CFL2: variants seen among roughly 807,000 people sequenced by gnomAD.
CFL2 encodes cofilin 2.
CFL2 carries 10 observed loss-of-function variants against 19.6 expected under a neutral mutation model. The observed-to-expected ratio is 0.51, with a 90% CI of 0.31 to 0.86. CFL2 has a LOEUF of 0.86. Among genes scored for constraint, CFL2 ranks in the 40% least tolerant of loss-of-function variants. The probability of loss-of-function intolerance (pLI) is 0.04; values close to 1 mark genes in which losing one functional copy is unlikely to be tolerated. For synonymous variants in CFL2, 63 were observed against 66.7 expected (o/e 0.95, Z 0.27); for missense variants, 125 against 192.1 (o/e 0.65, Z 2.06).
At position 34,711,225 on chromosome 14, in the gene CFL2, T is replaced by C. The variant is rs184065247; in HGVS notation, c.*1640A>G. On this transcript the variant is annotated 3_prime_UTR_variant, in exon 4 of 4. Transcript: ENST00000298159. ...CTTTCCTGTTTTCTGCTAAAAGCAT[T>C]CCTCTGAGCTATGGGGTTAAGTTCT... is the stretch of plus-strand genomic sequence containing the variant. The C allele has an allele frequency of 2.2e-6, 1 of 454,544 alleles. No homozygotes were observed. Among genetic ancestry groups the C allele is most frequent in the African/African-American group, 2.0e-5 (1 of 50,140 alleles). The allele number at this position is 454,544 out of a possible 1,614,324, so 28.2% of individuals were successfully genotyped here.
In CFL2 at chr14:34,712,360, T is replaced by A; in HGVS notation, c.*505A>T. The A allele has an allele frequency of 2.2e-6, 1 of 454,648 alleles. No homozygotes were observed. The highest frequency in any genetic ancestry group is 4.4e-6 in the Non-Finnish European group (1 of 226,842). 28.2% of individuals were successfully genotyped at this position (454,648 alleles called of 1,614,324 possible). ...ATATTAAACTTATTACAAAAAGTGCTTTTAATGCATAGTGTTATATCCGTG... is the reference window on the plus strand; with the variant it reads ...ATATTAAACTTATTACAAAAAGTGCATTTAATGCATAGTGTTATATCCGTG... On this transcript the variant is annotated 3_prime_UTR_variant, in exon 4 of 4. Transcript: ENST00000298159.
At position 34,711,570 on chromosome 14, in the gene CFL2, G is replaced by A. The variant is rs1339792998; in HGVS notation, c.*1295C>T. 2.3e-6 allele frequency: 1 copy of A among 443,164 alleles called. No homozygotes were observed. The highest frequency in any genetic ancestry group is 4.5e-6 in the Non-Finnish European group (1 of 220,906). 27.5% of individuals were successfully genotyped at this position (443,164 alleles called of 1,614,324 possible). On this transcript the variant is annotated 3_prime_UTR_variant, in exon 4 of 4. Coordinates refer to ENST00000298159, the MANE Select transcript of CFL2 (RefSeq NM_138638.5). ...TCAGAAGTATCATTAAACTTTTAAA[G>A]GACATTTTACAAATTATTTTCATTA... is the stretch of plus-strand genomic sequence containing the variant.
chr14:34,714,185 G>A, intron 1 of CFL2: 1 of 369,944 alleles, frequency 2.7e-6, no homozygotes, highest in Non-Finnish European at 4.9e-6. Context: ...CACAGCGTTC[G>A]CAGCACGTAC....
Position 34,712,916 on chromosome 14 carries a change from T to G in CFL2, c.450A>C (p.Gly150=). 1 of 1,611,700 alleles carries G rather than the reference T, an allele frequency of 6.2e-7. No individual in the cohort carries two copies. The highest frequency in any genetic ancestry group is 2.2e-5 in the East Asian group (1 of 44,856). ...CTACTACATTGCCTCCCAATTTCTC[T>G]CCAAGTGTCGAACGGTCCTTAATAT... ...LDDIKDRSTL[G]EKLGGNVVVS... The change falls in exon 4 of 4, where the codon GGA becomes GGC. Residue 150 remains glycine, a synonymous_variant. Transcript: ENST00000298159.
Position 34,713,292 on chromosome 14 carries a change from T to C in CFL2, c.273A>G (p.Thr91=). The C allele has an allele frequency of 3.7e-6, 6 of 1,613,394 alleles. No homozygotes were observed. Among genetic ancestry groups the C allele is most frequent in the Non-Finnish European group, 4.2e-6 (5 of 1,179,834 alleles). The change falls in exon 2 of 4, where the codon ACA becomes ACG. Residue 91 remains threonine (T), a synonymous_variant. Transcript: ENST00000298159. ...CTAGGTCTTCTTTCTTAGACTCTTT[T>C]GTTTCGTATGTGGCATCGTACAAAG... ...RYALYDATYE[T]KESKKEDLVF...
rs1199242385 is a variant in CFL2 at position 34,711,695 on chromosome 14, A to G, written c.*1170T>C. 4.5e-6 allele frequency: 2 copies of G among 446,762 alleles called. No individual in the cohort carries two copies. The highest frequency in any genetic ancestry group is 4.0e-5 in the African/African-American group (2 of 49,496). The allele number at this position is 446,762 out of a possible 1,614,324, so 27.7% of individuals were successfully genotyped here. A position where few individuals can be genotyped will look rare whatever the true frequency, so the allele number is the denominator to read the frequency against. On this transcript the variant is annotated 3_prime_UTR_variant, in exon 4 of 4. Transcript: ENST00000298159. Reference sequence around the variant, plus strand: ...AACTATGCTAATTTATCCAGAGAACAAATCAGATATTGAAAAGTATTTATG... The same window carrying G: ...AACTATGCTAATTTATCCAGAGAACGAATCAGATATTGAAAAGTATTTATG...
chr14:34,713,596 G>GT, intron 1 of CFL2, 35 bp from the exon 2 acceptor site: 1 of 1,613,188 alleles, frequency 6.2e-7, no homozygotes, highest in Non-Finnish European at 8.5e-7. Flanking sequence ...TTCAGAACAC[G>GT]TATTTTGGTT....
Position 34,711,538 on chromosome 14 carries a change from C to T in CFL2, c.*1327G>A, listed in dbSNP as rs1362109077. ...GAAATAGTAGGTGAAATGACTGTTCCGAAACATCAGAAGTATCATTAAACT... is the reference window on the plus strand; with the variant it reads ...GAAATAGTAGGTGAAATGACTGTTCTGAAACATCAGAAGTATCATTAAACT... On this transcript the variant is annotated 3_prime_UTR_variant, in exon 4 of 4. Transcript: ENST00000298159. 2 of 454,256 alleles carry T rather than the reference C, an allele frequency of 4.4e-6. No homozygotes were observed. The highest frequency in any genetic ancestry group is 2.0e-5 in the African/African-American group (1 of 49,934). The allele number at this position is 454,256 out of a possible 1,614,324, so 28.1% of individuals were successfully genotyped here. A position where few individuals can be genotyped will look rare whatever the true frequency, so the allele number is the denominator to read the frequency against.
Position 34,713,379 on chromosome 14 carries a change from A to G in CFL2, c.186T>C (p.Asp62=), listed in dbSNP as rs1594784833. ...AKQILVGDIG[D]TVEDPYTSFV... ...AAGATGTGTAGGGGTCCTCTACAGT[A>G]TCACCAATGTCACCCACCAAGATCT... Residue 62 remains aspartate (D), a synonymous_variant, in exon 2 of 4, where the codon GAT becomes GAC. Coordinates refer to ENST00000298159, the MANE Select transcript of CFL2 (RefSeq NM_138638.5). 6.2e-7 allele frequency: 1 copy of G among 1,614,028 alleles called. No homozygotes were observed. The highest frequency in any genetic ancestry group is 8.5e-7 in the Non-Finnish European group (1 of 1,179,916).
Position 34,709,933 on chromosome 14 carries a change from GAA to G in CFL2, c.*2930_*2931del, listed in dbSNP as rs1242393104. The G allele has an allele frequency of 6.6e-6, 1 of 152,188 alleles. No individual in the cohort carries two copies. The highest frequency in any genetic ancestry group is 1.5e-5 in the Non-Finnish European group (1 of 68,090). The allele number at this position is 152,188 out of a possible 1,614,324, so 9.4% of individuals were successfully genotyped here. A position where few individuals can be genotyped will look rare whatever the true frequency, so the allele number is the denominator to read the frequency against. On this transcript the variant is annotated 3_prime_UTR_variant, in exon 4 of 4. Transcript: ENST00000298159. Reference sequence around the variant, plus strand: ...ATGTGCAAGCAAAAACAGGACCTATGAAGAGCAAAATGAGACTGTTTTTTCTG... The same window carrying G: ...ATGTGCAAGCAAAAACAGGACCTATGGAGCAAAATGAGACTGTTTTTTCTG...
In CFL2 at chr14:34,714,109, A is replaced by C; in HGVS notation, c.3+429T>G. The C allele has an allele frequency of 5.4e-6, 2 of 371,836 alleles. 1 individual carries two copies. The highest frequency in any genetic ancestry group is 7.4e-5 in the South Asian group (2 of 26,868). The allele number at this position is 371,836 out of a possible 1,614,324, so 23.0% of individuals were successfully genotyped here. ...TTTACGGCGAGAAAGCATTTTAAAA[A>C]GTGTTTTCCCTCTTCCTTAATCTCC... On this transcript the variant is annotated intron_variant, in intron 1 of 3. Coordinates refer to ENST00000298159, the MANE Select transcript of CFL2 (RefSeq NM_138638.5).
At chr14:34,713,788 C>A (rs979470545) in intron 1 of CFL2, 28 of 1,606,570 alleles carry the variant, frequency 1.7e-5, no homozygotes, top group Non-Finnish European at 2.4e-5. Flanking sequence ...GACGTGGAAG[C>A]GAAAGGGACA....
At chr14:34,714,466 C>G in intron 1 of CFL2, 72 bp downstream of exon 1, 1 of 1,510,028 alleles carries the variant, frequency 6.6e-7, no homozygotes, top group South Asian at 1.2e-5. Context: ...AAAATGGCGG[C>G]CTCACTCCCG....
At position 34,710,912 on chromosome 14, in the gene CFL2, CAT is replaced by C. The variant is rs1885263825; in HGVS notation, c.*1951_*1952del. On this transcript the variant is annotated 3_prime_UTR_variant, in exon 4 of 4. Coordinates refer to ENST00000298159, the MANE Select transcript of CFL2 (RefSeq NM_138638.5). ...TCCATGGTGCCAAGTATCAGTTACACATATGGTTAAGTATACGTCAGTATTCT... is the reference window on the plus strand; with the variant it reads ...TCCATGGTGCCAAGTATCAGTTACACATGGTTAAGTATACGTCAGTATTCT... 2.2e-6 allele frequency: 1 copy of C among 453,960 alleles called. No homozygotes were observed. The highest frequency in any genetic ancestry group is 2.0e-5 in the African/African-American group (1 of 49,996). 28.1% of individuals were successfully genotyped at this position (453,960 alleles called of 1,614,324 possible). A position where few individuals can be genotyped will look rare whatever the true frequency, so the allele number is the denominator to read the frequency against.
rs1335237136 is a variant in CFL2 at position 34,712,135 on chromosome 14, A to G, written c.*730T>C. On this transcript the variant is annotated 3_prime_UTR_variant, in exon 4 of 4. Coordinates refer to ENST00000298159, the MANE Select transcript of CFL2 (RefSeq NM_138638.5). The stretch of plus-strand genomic sequence containing the variant: ...ATTGCCATCATGACTGATATTCAAA[A>G]TATCTTTAGTGTTGCAGGACTCACA... The G allele has an allele frequency of 2.2e-6, 1 of 454,544 alleles. No homozygotes were observed. Among genetic ancestry groups the G allele is most frequent in the South Asian group, 1.6e-5 (1 of 64,480 alleles). 28.2% of individuals were successfully genotyped at this position (454,544 alleles called of 1,614,324 possible). A position where few individuals can be genotyped will look rare whatever the true frequency, so the allele number is the denominator to read the frequency against.
Position 34,712,372 on chromosome 14 carries a change from G to C in CFL2, c.*493C>G, listed in dbSNP as rs1467628339. ...TTACAAAAAGTGCTTTTAATGCATA[G>C]TGTTATATCCGTGCTGCCATATCAC... On this transcript the variant is annotated 3_prime_UTR_variant, in exon 4 of 4. Coordinates refer to ENST00000298159, the MANE Select transcript of CFL2 (RefSeq NM_138638.5). 6.6e-6 allele frequency: 3 copies of C among 454,640 alleles called. No homozygotes were observed. The highest frequency in any genetic ancestry group is 4.7e-5 in the South Asian group (3 of 64,474). The allele number at this position is 454,640 out of a possible 1,614,324, so 28.2% of individuals were successfully genotyped here.
rs577398846 is a variant in CFL2, at chr14:34,711,781, T to A, written c.*1084A>T. 31 of 446,178 alleles carry A rather than the reference T, an allele frequency of 6.9e-5. No homozygotes were observed. Among genetic ancestry groups the A allele is most frequent in the South Asian group, 4.7e-4 (29 of 61,890 alleles). The allele number at this position is 446,178 out of a possible 1,614,324, so 27.6% of individuals were successfully genotyped here. A position where few individuals can be genotyped will look rare whatever the true frequency, so the allele number is the denominator to read the frequency against. ...AACACATAGGAAATAAATACACTAA[T>A]GTTTATAAAAGTACCATTCTTTAAC... On this transcript the variant is annotated 3_prime_UTR_variant, in exon 4 of 4. Coordinates refer to ENST00000298159, the MANE Select transcript of CFL2 (RefSeq NM_138638.5).
In CFL2 at chr14:34,710,498, T is replaced by C; in HGVS notation, c.*2367A>G. The C allele has an allele frequency of 2.3e-6, 1 of 441,542 alleles. No individual in the cohort carries two copies. Among genetic ancestry groups the C allele is most frequent in the East Asian group, 7.0e-5 (1 of 14,212 alleles). 27.4% of individuals were successfully genotyped at this position (441,542 alleles called of 1,614,324 possible). On this transcript the variant is annotated 3_prime_UTR_variant, in exon 4 of 4. Coordinates refer to ENST00000298159, the MANE Select transcript of CFL2 (RefSeq NM_138638.5). ...CTCTCATAACTTTGCAAGCTAGCAG[T>C]AAAATATTGCCTTCAATATTTTACT... is the stretch of plus-strand genomic sequence containing the variant.
chr14:34,714,500 G>T, intron 1 of CFL2, 38 bp downstream of exon 1: 2 of 1,560,214 alleles, frequency 1.3e-6, no homozygotes, highest in Non-Finnish European at 8.7e-7. Flanking sequence ...GGCTTTTCTC[G>T]CCTCGCCGCG....
Sources: gnomAD v4.1 joint callset for allele counts on GRCh38, gnomAD v4.1.1 for gene constraint, MANE v1.5 for transcripts, NCBI Gene and HGNC (gene_info 2026-07-23, HGNC 2026-07-21) for gene names.